VPS41: variants seen among roughly 807,000 people sequenced by gnomAD.
VPS41 encodes vacuolar protein sorting-associated protein 41 homolog.
In VPS41, 85 loss-of-function variants were observed where a neutral mutation model predicts 130.9. That is an observed-to-expected ratio of 0.65 (90% CI 0.55 to 0.78). The LOEUF (loss-of-function observed/expected upper bound fraction) is 0.78. VPS41 is among the 30% of genes least tolerant of loss of function. The probability of loss-of-function intolerance (pLI) is 0.00; values close to 1 mark genes in which losing one functional copy is unlikely to be tolerated. For missense variants in VPS41, 874 were observed against 1,018.7 expected, an observed-to-expected ratio of 0.86 and a Z score of 1.93; for synonymous variants, 335 against 332.9, an observed-to-expected ratio of 1.01 and a Z score of -0.07.
chr7:38,765,476 T>C (rs1370355706), intron 16 of VPS41, 104 bp downstream of exon 16: 3 of 733,830 alleles, frequency 4.1e-6, no homozygotes, highest in Non-Finnish European at 6.5e-6. Context: ...TCTGAGATAA[T>C]AATCACGTCC....
chr7:38,892,047 C>G (rs947055679), intron 2 of VPS41, among the ~76,000 whole-genome samples: 1 of 151,916 alleles, frequency 6.6e-6, no homozygotes, highest in African/African-American at 2.4e-5. Flanking sequence ...ATTCTCTATT[C>G]TCTGGAATAG....
rs1217401930 is a variant in VPS41 at position 38,796,836 on chromosome 7, T to C, written c.479A>G (p.Asn160Ser). 1 of 1,613,852 alleles carries C rather than the reference T, an allele frequency of 6.2e-7. No homozygotes were observed. The highest frequency in any genetic ancestry group is 8.5e-7 in the Non-Finnish European group (1 of 1,179,878). Residue 160 changes from asparagine to serine, a missense_variant, in exon 8 of 29, where the codon AAC (asparagine) becomes AGC (serine). Physicochemically the swap from Asn to Ser is conservative, Grantham distance 46 (BLOSUM62 1). Transcript: ENST00000310301. The part of the protein sequence containing the change: ...KLLLFERSWM[N>S]RWKSAVLHEG... ...ATGCAGAACAGCAGACTTCCATCTG[T>C]TCATCCAAGACCGTTCAAACAGTAG...
rs1172725518 is a variant in VPS41 at position 38,724,049 on chromosome 7, G to A, written c.*2197C>T. The A allele has an allele frequency of 6.6e-6, 1 of 152,152 alleles. No homozygotes were observed. The highest frequency in any genetic ancestry group is 1.9e-4 in the East Asian group (1 of 5,198). 9.4% of individuals were successfully genotyped at this position (152,152 alleles called of 1,614,324 possible). A position where few individuals can be genotyped will look rare whatever the true frequency, so the allele number is the denominator to read the frequency against. On this transcript the variant is annotated 3_prime_UTR_variant, in exon 29 of 29. Coordinates refer to ENST00000310301, the MANE Select transcript of VPS41 (RefSeq NM_014396.4). ...ATATTGTTCAGGAATTTTCCAGTGT[G>A]TTACAGCAATTTCTGAAATGATAAA... is the stretch of plus-strand genomic sequence containing the variant.
At chr7:38,734,361 TTACA>T (rs1271032379) in intron 25 of VPS41, among the ~76,000 whole-genome samples, 2 of 152,186 alleles carry the variant, frequency 1.3e-5, no homozygotes, top group Non-Finnish European at 2.9e-5. Flanking sequence ...TTTTTCTAAA[TTACA>T]TATTTTATCA....
intron 7 of VPS41, among the ~76,000 whole-genome samples, chr7:38,799,637 T>A (rs1784687720): frequency 1.3e-5 from 2 of 152,200 alleles, no homozygotes; most frequent in South Asian, 4.1e-4. Flanking sequence ...CTCATTAAAT[T>A]AACCTATAAT....
At chr7:38,844,355 C>T (rs901758765) in intron 4 of VPS41, among the ~76,000 whole-genome samples, 5 of 152,146 alleles carry the variant, frequency 3.3e-5, no homozygotes, top group Non-Finnish European at 4.4e-5. Context: ...TATATATCTC[C>T]GTAGAGCCCT....
chr7:38,776,798 G>A (rs1243181282), intron 10 of VPS41, 22 bp from the exon 11 acceptor site: 1 of 1,433,988 alleles, frequency 7.0e-7, no homozygotes, highest in East Asian at 2.3e-5. Context: ...AGGGATACAG[G>A]AGTCATCATC....
chr7:38,851,053 G>C (rs2116263790), intron 4 of VPS41, among the ~76,000 whole-genome samples: 1 of 152,294 alleles, frequency 6.6e-6, no homozygotes, highest in African/African-American at 2.4e-5. Context: ...TCAAAGGACA[G>C]AGTCAGTAAC....
intron 2 of VPS41, among the ~76,000 whole-genome samples, chr7:38,896,046 G>A (rs1233374383): frequency 1.3e-5 from 2 of 152,110 alleles, no homozygotes; most frequent in Non-Finnish European, 2.9e-5. Flanking sequence ...ACTGAAGTTT[G>A]TATTACTCCC....
intron 10 of VPS41, among the ~76,000 whole-genome samples, chr7:38,789,352 A>T (rs1284666398): frequency 6.6e-6 from 1 of 152,128 alleles, no homozygotes; most frequent in Non-Finnish European, 1.5e-5. Context: ...GGAAGACCTG[A>T]CTCAGTCAGG....
At chr7:38,870,163 T>C (rs1301850986) in intron 2 of VPS41, among the ~76,000 whole-genome samples, 1 of 151,960 alleles carries the variant, frequency 6.6e-6, no homozygotes, top group East Asian at 1.9e-4. Context: ...CTTGCGGGGA[T>C]GGAGTGACAA....
At chr7:38,854,531 A>G (rs1192601207) in intron 4 of VPS41, among the ~76,000 whole-genome samples, 1 of 152,214 alleles carries the variant, frequency 6.6e-6, no homozygotes, top group Non-Finnish European at 1.5e-5. Flanking sequence ...ATCTGTATTA[A>G]CTGTCAAAGA....
chr7:38,776,804 T>A, intron 10 of VPS41, 28 bp from the exon 11 acceptor site: 2 of 1,332,780 alleles, frequency 1.5e-6, no homozygotes, highest in South Asian at 2.4e-5. Flanking sequence ...ACAGGAGTCA[T>A]CATCAACAGG....
intron 1 of VPS41, among the ~76,000 whole-genome samples, chr7:38,906,609 G>A (rs10245333): frequency 0.26 from 39,098 of 152,042 alleles, 6,436 homozygotes; most frequent in Non-Finnish European, 0.38. Context: ...AAAGTGCTGG[G>A]ATTACAGGTA....
intron 4 of VPS41, among the ~76,000 whole-genome samples, chr7:38,856,559 A>G (rs1446727615): frequency 2.0e-5 from 3 of 152,196 alleles, no homozygotes; most frequent in Non-Finnish European, 4.4e-5. Context: ...TTTCAAAACA[A>G]TATTATCAGC....
chr7:38,830,237 C>T lies in VPS41; in HGVS notation c.321+17G>A, dbSNP rs578177202. 5.1e-6 allele frequency: 8 copies of T among 1,584,110 alleles called. No homozygotes were observed. In the Admixed American group the frequency reaches 6.7e-5, roughly 13 times the overall value. ...TGGCGCCACAGAACTCTCTGCATGA[C>T]CACATCTTTGCCATACCTTGCCATC... On this transcript the variant is annotated intron_variant, in intron 5 of 28. Coordinates refer to ENST00000310301, the MANE Select transcript of VPS41 (RefSeq NM_014396.4).
intron 10 of VPS41, among the ~76,000 whole-genome samples, chr7:38,785,001 T>C (rs1221521663): frequency 1.3e-5 from 2 of 152,210 alleles, no homozygotes; most frequent in Admixed American, 1.3e-4. Flanking sequence ...AAAATGTGTG[T>C]CAAGCAATTT....
intron 17 of VPS41, among the ~76,000 whole-genome samples, chr7:38,759,622 G>C (rs1306078711): frequency 6.6e-6 from 1 of 152,162 alleles, no homozygotes. Context: ...TCTGTCCTTA[G>C]TTTTACGAAA....
At chr7:38,795,669 T>C (rs1297991054) in intron 8 of VPS41, 58 bp from the exon 9 acceptor site, 4 of 1,483,174 alleles carry the variant, frequency 2.7e-6, no homozygotes, top group Non-Finnish European at 3.7e-6. Context: ...ACAGAAAACT[T>C]ATTAACAGCC....
Sources: allele counts gnomAD v4.1 joint callset (sites outside exome capture counted in the v4.1 genomes callset), GRCh38; gene constraint gnomAD v4.1.1; transcripts MANE v1.5; gene names NCBI Gene and HGNC (gene_info 2026-07-23, HGNC 2026-07-21).